Variants in LRBA observed in about 807,000 individuals in gnomAD.
LRBA encodes the protein lipopolysaccharide-responsive and beige-like anchor protein.
A neutral mutation model predicts 330.0 loss-of-function variants in LRBA; 176 were observed. The observed-to-expected ratio is 0.53, with a 90% CI of 0.47 to 0.60. The LOEUF (loss-of-function observed/expected upper bound fraction) is 0.60, where lower values mean the gene tolerates loss of function less well. Among genes scored for constraint, LRBA ranks in the 20% least tolerant of loss-of-function variants. The pLI, the probability that LRBA is intolerant of heterozygous loss-of-function variation, is 0.00. For synonymous variants in LRBA, 1,230 were observed against 1,193.0 expected (o/e 1.03, Z -0.64); for missense variants, 3,259 against 3,444.8 (o/e 0.95, Z 1.35).
chr4:150,515,781 T>C (rs1762271601), intron 40 of LRBA, among the ~76,000 whole-genome samples: 1 of 152,040 alleles, frequency 6.6e-6, no homozygotes, highest in Admixed American at 6.6e-5. Context: ...TTGACACAAA[T>C]ATTGAAATTA....
intron 48 of LRBA, among the ~76,000 whole-genome samples, chr4:150,328,005 A>AC (rs1299515112): frequency 6.6e-6 from 1 of 152,154 alleles, no homozygotes; most frequent in Non-Finnish European, 1.5e-5. Flanking sequence ...GGAATTATAC[A>AC]CCTGGGTCCT....
At chr4:150,697,663 G>C (rs1226041910) in intron 36 of LRBA, among the ~76,000 whole-genome samples, 1 of 151,854 alleles carries the variant, frequency 6.6e-6, no homozygotes, top group Non-Finnish European at 1.5e-5. Context: ...ATATTAACTA[G>C]ATTTGTATTT....
chr4:150,505,543 A>G (rs891709087), intron 40 of LRBA, among the ~76,000 whole-genome samples: 1 of 152,232 alleles, frequency 6.6e-6, no homozygotes, highest in Non-Finnish European at 1.5e-5. Flanking sequence ...GAGAACAAAG[A>G]CACGACATAC....
At chr4:150,491,177 G>A in intron 40 of LRBA, 142 bp from the exon 41 acceptor site, 1 of 412,728 alleles carries the variant, frequency 2.4e-6, no homozygotes, top group East Asian at 3.5e-5. Flanking sequence ...ACATAATTTG[G>A]AGATGAAGAA....
At chr4:150,657,614 T>C (rs1028238774) in intron 37 of LRBA, among the ~76,000 whole-genome samples, 2 of 152,134 alleles carry the variant, frequency 1.3e-5, no homozygotes, top group African/African-American at 4.8e-5. Context: ...GAATTCATAG[T>C]ACAGTTTCCC....
At chr4:150,882,587 A>G (rs762928559) in intron 17 of LRBA, among the ~76,000 whole-genome samples, 1 of 152,206 alleles carries the variant, frequency 6.6e-6, no homozygotes, top group African/African-American at 2.4e-5. Context: ...ACATGTTTAA[A>G]GAAATAGATA....
chr4:150,286,002 C>A lies in LRBA; in HGVS notation c.8050G>T (p.Gly2684Cys). The change falls in exon 54 of 57, where the codon GGC (glycine) becomes TGC (cysteine). Residue 2684 changes from glycine (G) to cysteine (C), a missense_variant. Gly to Cys is a radical substitution (Grantham distance 159). Coordinates refer to ENST00000651943, the MANE Select transcript of LRBA (RefSeq NM_001364905.1). The part of the protein sequence containing the change: ...ETAAPRAILT[G>C]HDYEVTCAAV... ...GCACATGTGACCTCATAGTCATGGC[C>A]GGTCAAAATGGCCCGAGGAGCAGCA... 6.3e-7 allele frequency: 1 copy of A among 1,590,392 alleles called. No homozygotes were observed. The highest frequency in any genetic ancestry group is 1.1e-5 in the South Asian group (1 of 87,136).
intron 48 of LRBA, among the ~76,000 whole-genome samples, chr4:150,342,797 G>T (rs1046265786): frequency 1.3e-5 from 2 of 152,220 alleles, no homozygotes; most frequent in Non-Finnish European, 2.9e-5. Flanking sequence ...CTGTATGACT[G>T]GGAACGTATT....
chr4:150,602,091 T>C (rs575985822), intron 37 of LRBA, among the ~76,000 whole-genome samples: 1 of 152,300 alleles, frequency 6.6e-6, no homozygotes, highest in Admixed American at 6.5e-5. Context: ...CCTGAAGCTA[T>C]GTCACTTAAG....
intron 9 of LRBA, among the ~76,000 whole-genome samples, chr4:150,911,965 C>T (rs780914147): frequency 3.9e-5 from 6 of 151,996 alleles, no homozygotes; most frequent in Non-Finnish European, 7.4e-5. Context: ...TCTAAATTAT[C>T]CGATTTGTTG....
At chr4:150,770,519 C>A (rs1736408986) in intron 34 of LRBA, among the ~76,000 whole-genome samples, 1 of 151,698 alleles carries the variant, frequency 6.6e-6, no homozygotes, top group African/African-American at 2.4e-5. Flanking sequence ...AAACTCAATA[C>A]ATCTTAAGTT....
intron 37 of LRBA, among the ~76,000 whole-genome samples, chr4:150,639,757 A>G (rs187885824): frequency 0.66 from 11,469 of 17,278 alleles, 4,008 homozygotes; most frequent in East Asian, 0.75. Context: ...ATATATATAT[A>G]TATATATATA....
intron 37 of LRBA, among the ~76,000 whole-genome samples, chr4:150,601,845 C>T (rs1214912201): frequency 6.6e-6 from 1 of 151,432 alleles, no homozygotes; most frequent in East Asian, 1.9e-4. Flanking sequence ...GCGCCTGCCA[C>T]CATGCCCGGC....
intron 9 of LRBA, among the ~76,000 whole-genome samples, chr4:150,909,266 T>C (rs1731700961): frequency 6.6e-6 from 1 of 152,180 alleles, no homozygotes; most frequent in Non-Finnish European, 1.5e-5. Context: ...TCTGTAGCCA[T>C]TTAACAACTC....
At chr4:150,530,442 G>T (rs1442748262) in intron 40 of LRBA, among the ~76,000 whole-genome samples, 7 of 151,982 alleles carry the variant, frequency 4.6e-5, no homozygotes, top group Non-Finnish European at 1.0e-4. Context: ...CTTCCATCTG[G>T]CAGTATCTAC....
At position 150,746,411 on chromosome 4, in the gene LRBA, A is replaced by G. The variant is rs1732729078; in HGVS notation, c.5646-11045T>C. ...TTATCCAGTTACTGAAGCTAGAAATATCAGTCATATCTTCCTTCTTCATCA... is the reference window on the plus strand; with the variant it reads ...TTATCCAGTTACTGAAGCTAGAAATGTCAGTCATATCTTCCTTCTTCATCA... On this transcript the variant is annotated intron_variant, in intron 35 of 56. Coordinates refer to ENST00000651943, the MANE Select transcript of LRBA (RefSeq NM_001364905.1). Among the ~76,000 whole-genome samples, 3 of 152,084 alleles carry G rather than the reference A, an allele frequency of 2.0e-5. No homozygotes were observed. The South Asian group carries it at 6.2e-4, about 32-fold the overall frequency.
intron 32 of LRBA, among the ~76,000 whole-genome samples, chr4:150,806,681 C>T (rs1742844246): frequency 6.6e-6 from 1 of 151,990 alleles, no homozygotes. Context: ...CAGTTAAGAG[C>T]AGTTTGTTTT....
chr4:150,364,283 T>C (rs1020452190), intron 47 of LRBA, among the ~76,000 whole-genome samples: 3 of 152,242 alleles, frequency 2.0e-5, no homozygotes, highest in African/African-American at 7.2e-5. Context: ...TTAGTGAGTA[T>C]TTATGCTGTG....
At position 150,476,639 on chromosome 4, in the gene LRBA, T is replaced by C. The variant is rs188420051; in HGVS notation, c.6552-4900A>G. ...CTGGTAGCTGTTATAACCCCTGATA[T>C]GCATGTATTAAACTCCTTGGTTAGT... On this transcript the variant is annotated intron_variant, in intron 42 of 56. Transcript: ENST00000651943. 2.9e-4 allele frequency among the ~76,000 whole-genome samples: 44 copies of C among 152,272 alleles called. 1 individual carries two copies. The East Asian group carries it at 4.8e-3, about 17-fold the overall frequency.
Sources: allele counts gnomAD v4.1 joint callset (sites outside exome capture counted in the v4.1 genomes callset), GRCh38; gene constraint gnomAD v4.1.1; transcripts MANE v1.5; gene names NCBI Gene and HGNC (gene_info 2026-07-23, HGNC 2026-07-21).